ASTN2: variants seen among roughly 807,000 people sequenced by gnomAD.
ASTN2 encodes the protein astrotactin 2.
In ASTN2, 54 loss-of-function variants were observed where a neutral mutation model predicts 139.8. The ratio of observed to expected loss-of-function variants is 0.39; its 90% CI spans 0.31 to 0.48. The LOEUF is 0.48. Among genes scored for constraint, ASTN2 ranks in the 20% least tolerant of loss-of-function variants. The pLI, the probability that ASTN2 is intolerant of heterozygous loss-of-function variation, is 0.95. For missense variants in ASTN2, 1,565 were observed against 1,725.1 expected (o/e 0.91, Z 1.64); for synonymous variants, 756 against 719.5 (o/e 1.05, Z -0.81).
At chr9:116,730,980 T>C (rs1828762681) in intron 14 of ASTN2, among the ~76,000 whole-genome samples, 1 of 152,018 alleles carries the variant, frequency 6.6e-6, no homozygotes, top group Non-Finnish European at 1.5e-5. Context: ...CTACAGAGCC[T>C]AGAAGAGAGC....
intron 10 of ASTN2, among the ~76,000 whole-genome samples, chr9:116,909,528 G>T (rs1477772542): frequency 2.0e-5 from 3 of 152,178 alleles, no homozygotes; most frequent in Admixed American, 6.5e-5. Flanking sequence ...GACATGGTAC[G>T]TTTGAGATGT....
rs554059822 is a variant in ASTN2 at position 117,414,814 on chromosome 9, A to C, written c.125T>G (p.Leu42Arg). The change falls in exon 1 of 23, where the codon CTG (leucine) becomes CGG (arginine). Residue 42 changes from leucine to arginine, a missense_variant. Coordinates refer to ENST00000313400, the MANE Select transcript of ASTN2 (RefSeq NM_001365068.1). This position sits in a 1 kb window ranked among gnomAD's most constrained non-coding sequence, Gnocchi z 4.2. ...LPLLLLFLLLLPPPPLLAGAT... is the reference protein window; with the variant it reads ...LPLLLLFLLLRPPPPLLAGAT... ...GCCGGCCAGCAGCGGCGGCGGCGGC[A>C]GCAGGAGCAGGAACAGCAGCAGCAG... 145 of 1,216,610 alleles carry C rather than the reference A, an allele frequency of 1.2e-4. No homozygotes were observed. The African/African-American group carries it at 2.1e-3, about 18-fold the overall frequency. 75.4% of individuals were successfully genotyped at this position (1,216,610 alleles called of 1,614,324 possible). A position where few individuals can be genotyped will look rare whatever the true frequency, so the allele number is the denominator to read the frequency against.
At chr9:117,108,397 G>A (rs953685346) in intron 4 of ASTN2, among the ~76,000 whole-genome samples, 1 of 146,874 alleles carries the variant, frequency 6.8e-6, no homozygotes, top group East Asian at 2.0e-4. Context: ...CTATCAAGCA[G>A]CCTACAATTG....
intron 3 of ASTN2, among the ~76,000 whole-genome samples, chr9:117,168,344 A>G (rs1830715353): frequency 6.6e-6 from 1 of 152,166 alleles, no homozygotes; most frequent in Non-Finnish European, 1.5e-5. Context: ...CAGTGTCTTC[A>G]CTTCCACAAG....
intron 10 of ASTN2, among the ~76,000 whole-genome samples, chr9:116,932,668 A>T (rs2132453740): frequency 6.6e-6 from 1 of 151,956 alleles, no homozygotes; most frequent in Non-Finnish European, 1.5e-5. Context: ...TGCATGGAGC[A>T]CTCCATGCAG....
intron 14 of ASTN2, among the ~76,000 whole-genome samples, chr9:116,732,926 T>C (rs1828827632): frequency 1.3e-5 from 2 of 152,188 alleles, no homozygotes; most frequent in African/African-American, 2.4e-5. Context: ...ACCCCACAGA[T>C]GGCACAGTGC....
chr9:116,590,302 TC>T (rs910610293), intron 19 of ASTN2, among the ~76,000 whole-genome samples: 1 of 152,154 alleles, frequency 6.6e-6, no homozygotes, highest in Non-Finnish European at 1.5e-5. Flanking sequence ...GCCTGGCCTC[TC>T]CCCGCTTCAA....
intron 5 of ASTN2, among the ~76,000 whole-genome samples, chr9:117,048,446 T>G (rs1838807687): frequency 6.6e-6 from 1 of 152,202 alleles, no homozygotes; most frequent in Admixed American, 6.5e-5. Context: ...GGAACACCTT[T>G]GGCTAGCTCT....
rs1225032024 is a variant in ASTN2 at position 116,697,946 on chromosome 9, C to T, written c.2806+27825G>A. 1 of 1,614,080 alleles carries T rather than the reference C, an allele frequency of 6.2e-7. No homozygotes were observed. Among genetic ancestry groups the T allele is most frequent in the Admixed American group, 1.7e-5 (1 of 60,004 alleles). On this transcript the variant is annotated intron_variant, in intron 16 of 22. Coordinates refer to ENST00000313400, the MANE Select transcript of ASTN2 (RefSeq NM_001365068.1). The stretch of plus-strand genomic sequence containing the variant: ...GCTGTCCCTTTTGCAGCAAGATTAC[C>T]CGCATAACCAGCTTGACCCAGCTGA...
intron 7 of ASTN2, among the ~76,000 whole-genome samples, chr9:116,978,010 C>A (rs1388244569): frequency 1.3e-5 from 2 of 152,114 alleles, no homozygotes; most frequent in African/African-American, 4.8e-5. Context: ...AGCCACCACG[C>A]CTGGCCTAGA....
chr9:116,680,399 A>G (rs1859776569), intron 16 of ASTN2, among the ~76,000 whole-genome samples: 1 of 152,188 alleles, frequency 6.6e-6, no homozygotes, highest in Non-Finnish European at 1.5e-5. Context: ...ACCAACCAAA[A>G]AGAGTCCAGG....
At chr9:117,016,802 A>T (rs202246143) in intron 6 of ASTN2, among the ~76,000 whole-genome samples, 29,290 of 116,252 alleles carry the variant, frequency 0.25, 3,872 homozygotes, top group East Asian at 0.32. Flanking sequence ...TATATAGGTT[A>T]TATATATGTT....
At chr9:116,871,478 A>G (rs935299079) in intron 10 of ASTN2, among the ~76,000 whole-genome samples, 1 of 152,168 alleles carries the variant, frequency 6.6e-6, no homozygotes, top group Non-Finnish European at 1.5e-5. Context: ...CTTCCTCCCA[A>G]TGACCCTTGT....
At chr9:117,243,101 C>T (rs1330287451) in intron 2 of ASTN2, among the ~76,000 whole-genome samples, 4 of 152,142 alleles carry the variant, frequency 2.6e-5, no homozygotes, top group African/African-American at 7.2e-5. Context: ...AAACATATTG[C>T]TATTCTTCTT....
intron 2 of ASTN2, chr9:117,276,998 A>C (rs917917776): frequency 1.3e-5 from 2 of 152,220 alleles, no homozygotes; most frequent in Non-Finnish European, 2.9e-5. Flanking sequence ...CATGAGGGCG[A>C]TCTGGCTGCA....
intron 2 of ASTN2, among the ~76,000 whole-genome samples, chr9:117,246,319 T>C (rs1050895515): frequency 6.6e-6 from 1 of 152,180 alleles, no homozygotes; most frequent in African/African-American, 2.4e-5. Context: ...TTGTTGTAAT[T>C]AAGACATAGT....
At chr9:116,773,502 T>A (rs972924479) in intron 13 of ASTN2, among the ~76,000 whole-genome samples, 2 of 152,174 alleles carry the variant, frequency 1.3e-5, no homozygotes, top group African/African-American at 2.4e-5. Flanking sequence ...GATGGAACCA[T>A]GCCTCCTTCA....
At chr9:117,123,417 G>A (rs559693898) in intron 4 of ASTN2, among the ~76,000 whole-genome samples, 1 of 152,212 alleles carries the variant, frequency 6.6e-6, no homozygotes, top group South Asian at 2.1e-4. Flanking sequence ...TTTGACATTA[G>A]ACAAGTGGGT....
chr9:116,713,365 C>T (rs912912936), intron 16 of ASTN2, among the ~76,000 whole-genome samples: 3 of 152,072 alleles, frequency 2.0e-5, no homozygotes, highest in Non-Finnish European at 4.4e-5. Context: ...AGGGCTGGTA[C>T]ATCAGATGAA....
Sources: allele counts gnomAD v4.1 joint callset (sites outside exome capture counted in the v4.1 genomes callset), GRCh38; gene constraint gnomAD v4.1.1; non-coding constraint Gnocchi (gnomAD v3.1); transcripts MANE v1.5; gene names NCBI Gene and HGNC (gene_info 2026-07-23, HGNC 2026-07-21).